FAM168A: variants seen among roughly 807,000 people sequenced by gnomAD.
The protein encoded by FAM168A is protein FAM168A.
A neutral mutation model predicts 28.5 loss-of-function variants in FAM168A; 3 were observed. That is an observed-to-expected ratio of 0.11 (90% CI 0.05 to 0.27). FAM168A has a LOEUF of 0.27. Among genes scored for constraint, FAM168A ranks in the 10% least tolerant of loss-of-function variants. The pLI is 1.00. For synonymous variants in FAM168A, 122 were observed against 124.2 expected (o/e 0.98, Z 0.12); for missense variants, 222 against 311.5 (o/e 0.71, Z 2.16).
At chr11:73,508,534 T>A (rs971155052) in intron 1 of FAM168A, among the ~76,000 whole-genome samples, 1 of 151,916 alleles carries the variant, frequency 6.6e-6, no homozygotes, top group Admixed American at 6.6e-5. Flanking sequence ...GCCCTGCAGG[T>A]AGGTGCGTGC....
chr11:73,455,808 AGGAGCAGATCTCTACT>A (rs1213726606), intron 2 of FAM168A, among the ~76,000 whole-genome samples: 1 of 152,246 alleles, frequency 6.6e-6, no homozygotes, highest in Non-Finnish European at 1.5e-5. Context: ...TAAAATAGGC[AGGAGCAGATCTCTACT>A]GGAGGGGAAG....
Position 73,587,233 on chromosome 11 carries a change from G to A in FAM168A, c.-19+10690C>T, listed in dbSNP as rs140140006. On this transcript the variant is annotated intron_variant, in intron 1 of 7. Transcript: ENST00000356467. ...TTGCCAGACGCAATGGCTCACACCT[G>A]TAATCCCAGAACTTTGGGAGGCCGA... 2.3e-4 allele frequency among the ~76,000 whole-genome samples: 35 copies of A among 150,434 alleles called. No individual in the cohort carries two copies. The East Asian group carries it at 6.4e-3, about 28-fold the overall frequency.
chr11:73,498,892 C>G (rs150097588), intron 1 of FAM168A, among the ~76,000 whole-genome samples: 2 of 152,242 alleles, frequency 1.3e-5, no homozygotes, highest in Admixed American at 6.5e-5. Flanking sequence ...CTAGCGGGGA[C>G]GGGTAGCCAT....
At chr11:73,490,781 C>T (rs1277882) in intron 1 of FAM168A, among the ~76,000 whole-genome samples, 37,941 of 152,016 alleles carry the variant, frequency 0.25, 5,146 homozygotes, top group South Asian at 0.35. Flanking sequence ...CTTTATTTTT[C>T]CTCTTTCCCA....
At chr11:73,584,988 A>G (rs1944294689) in intron 1 of FAM168A, among the ~76,000 whole-genome samples, 1 of 152,070 alleles carries the variant, frequency 6.6e-6, no homozygotes, top group African/African-American at 2.4e-5. Flanking sequence ...AAAAAAAAAG[A>G]ATGATGGAGA....
chr11:73,421,073 G>GT (rs1055669057), intron 3 of FAM168A, among the ~76,000 whole-genome samples: 1 of 141,198 alleles, frequency 7.1e-6, no homozygotes, highest in Non-Finnish European at 1.5e-5. Context: ...TAAAGTCTTG[G>GT]GGGGGGGGTC....
At chr11:73,448,937 T>C (rs79232573) in intron 2 of FAM168A, among the ~76,000 whole-genome samples, 1,956 of 152,234 alleles carry the variant, frequency 0.013, 50 homozygotes, top group African/African-American at 0.044. Context: ...CTGTTTTGTT[T>C]TGTTTTTTTC....
rs961342568 is a variant in FAM168A, at chr11:73,409,749, C to T, written c.421-88G>A. The T allele has an allele frequency of 9.6e-6, 13 of 1,358,114 alleles. No individual in the cohort carries two copies. The African/African-American group carries it at 1.0e-4, about 11-fold the overall frequency. 84.1% of individuals were successfully genotyped at this position (1,358,114 alleles called of 1,614,324 possible). ...AGCACTGGCTGAAGGACACAAGGTC[C>T]GGACCCCAGCTGGGGCTCTGCTTGT... is the stretch of plus-strand genomic sequence containing the variant. On this transcript the variant is annotated intron_variant, in intron 5 of 7. Coordinates refer to ENST00000356467, the MANE Select transcript of FAM168A (RefSeq NM_015159.3).
At chr11:73,560,328 G>T (rs535007339) in intron 1 of FAM168A, among the ~76,000 whole-genome samples, 2 of 152,070 alleles carry the variant, frequency 1.3e-5, no homozygotes, top group African/African-American at 4.8e-5. Context: ...CTCCCAAAGT[G>T]CTGGAATTAT....
Position 73,419,985 on chromosome 11 carries a change from T to C in FAM168A, c.166A>G (p.Lys56Glu). 1 of 1,613,734 alleles carries C rather than the reference T, an allele frequency of 6.2e-7. No homozygotes were observed. Residue 56 changes from lysine (K) to glutamate (E), a missense_variant, in exon 4 of 8, where the codon AAA becomes GAA. By Grantham distance (56) the Lys-to-Glu change is moderately conservative (BLOSUM62 1). Around this residue, in one of 3 missense-constraint regions of FAM168A, gnomAD observed 153 missense variants for 189.2 expected, o/e 0.81. Transcript: ENST00000356467. The part of the protein sequence containing the change: ...PSYAPATLLM[K>E]QAWPQNSSSC... ...GACGAGTTCTGTGGCCAGGCCTGTT[T>C]CATCAGCAGAGTTGCTTAAGGGAAG...
chr11:73,407,983 C>A (rs1344532870), intron 6 of FAM168A, among the ~76,000 whole-genome samples: 1 of 152,206 alleles, frequency 6.6e-6, no homozygotes, highest in African/African-American at 2.4e-5. Context: ...GCGATTCTCC[C>A]GCGTCAGCCT....
At chr11:73,486,686 T>G (rs900664663) in intron 1 of FAM168A, among the ~76,000 whole-genome samples, 5 of 152,358 alleles carry the variant, frequency 3.3e-5, no homozygotes, top group Non-Finnish European at 7.3e-5. Flanking sequence ...GATTGATTTA[T>G]AATCTGGAAC....
At chr11:73,508,502 A>G (rs1212577652) in intron 1 of FAM168A, among the ~76,000 whole-genome samples, 1 of 152,126 alleles carries the variant, frequency 6.6e-6, no homozygotes, top group African/African-American at 2.4e-5. Context: ...TCGGAACAAA[A>G]TTGCTACGTC....
At chr11:73,465,176 C>T (rs187573115) in intron 2 of FAM168A, among the ~76,000 whole-genome samples, 3 of 150,450 alleles carry the variant, frequency 2.0e-5, no homozygotes, top group Non-Finnish European at 4.4e-5. Flanking sequence ...GATTACTCAA[C>T]CAAAGTTCCA....
At chr11:73,479,851 G>C (rs1159915976) in intron 1 of FAM168A, among the ~76,000 whole-genome samples, 6 of 152,070 alleles carry the variant, frequency 3.9e-5, no homozygotes, top group African/African-American at 9.7e-5. Flanking sequence ...ATGGATGGAT[G>C]GATGAATAAA....
At chr11:73,491,592 C>G (rs114178105) in intron 1 of FAM168A, among the ~76,000 whole-genome samples, 2,022 of 152,294 alleles carry the variant, frequency 0.013, 45 homozygotes, top group African/African-American at 0.045. Context: ...TTCTAAGTAA[C>G]AGACCGGGGA....
chr11:73,544,369 C>T (rs1002276638), intron 1 of FAM168A, among the ~76,000 whole-genome samples: 1 of 152,054 alleles, frequency 6.6e-6, no homozygotes, highest in African/African-American at 2.4e-5. Flanking sequence ...CTGTGGAAAA[C>T]AAGTCCTCAA....
At chr11:73,500,330 C>G (rs57536508) in intron 1 of FAM168A, among the ~76,000 whole-genome samples, 2,686 of 149,606 alleles carry the variant, frequency 0.018, 66 homozygotes, top group African/African-American at 0.056. Flanking sequence ...ATGATCCCAG[C>G]TCACTGCAAC....
chr11:73,524,580 A>ATG (rs933184911), intron 1 of FAM168A, among the ~76,000 whole-genome samples: 6 of 151,596 alleles, frequency 4.0e-5, no homozygotes, highest in Non-Finnish European at 5.9e-5. Context: ...ATACATATAT[A>ATG]TGTGTGTGTG....
Sources: gnomAD v4.1 joint callset for allele counts (sites outside exome capture counted in the v4.1 genomes callset) on GRCh38, gnomAD v4.1.1 for gene constraint, gnomAD v4.1.1 regional missense constraint, MANE v1.5 for transcripts, NCBI Gene and HGNC (gene_info 2026-07-23, HGNC 2026-07-21) for gene names.